The following RP1L1 variants were observed in gnomAD, a reference collection of about 807,000 sequenced individuals.
The protein encoded by RP1L1 is retinitis pigmentosa 1-like 1 protein.
Under a neutral mutation model 15.7 loss-of-function variants are expected in RP1L1, and 27 were observed. That is an observed-to-expected ratio of 1.72 (90% CI 1.27 to 2.38). The LOEUF is 2.38. RP1L1 is among the 30% of genes most tolerant of loss of function. RP1L1 has a pLI of 0.00. For synonymous variants in RP1L1, 1,813 were observed against 1,276.7 expected (o/e 1.42, Z -8.96); for missense variants, 4,798 against 3,075.9 (o/e 1.56, Z -13.24).
At chr8:10,616,821 C>A (rs192395994) in intron 2 of RP1L1, among the ~76,000 whole-genome samples, 2 of 152,318 alleles carry the variant, frequency 1.3e-5, no homozygotes, top group South Asian at 2.1e-4. Flanking sequence ...CCTCCCTCCA[C>A]CAGGCGTGAG....
At chr8:10,624,179 C>A (rs766250611) in intron 1 of RP1L1, among the ~76,000 whole-genome samples, 1 of 152,228 alleles carries the variant, frequency 6.6e-6, no homozygotes, top group Non-Finnish European at 1.5e-5. Flanking sequence ...TCCACACATT[C>A]TGTCACTCAT....
chr8:10,642,389 G>A (rs1000812968), intron 1 of RP1L1, among the ~76,000 whole-genome samples: 13 of 152,156 alleles, frequency 8.5e-5, no homozygotes, highest in Non-Finnish European at 1.9e-4. Context: ...AGAGCTTCTA[G>A]GAAACCTCTT....
chr8:10,635,718 G>A (rs931567103), intron 1 of RP1L1, among the ~76,000 whole-genome samples: 16 of 152,232 alleles, frequency 1.1e-4, no homozygotes, highest in African/African-American at 3.6e-4. Flanking sequence ...TAAGAGCAGC[G>A]AGTGCTTGTG....
intron 2 of RP1L1, among the ~76,000 whole-genome samples, chr8:10,622,147 C>A (rs1353983391): frequency 6.6e-6 from 1 of 151,840 alleles, no homozygotes; most frequent in African/African-American, 2.4e-5. Flanking sequence ...CATGGAGAAA[C>A]CCTGTCTCTA....
chr8:10,652,331 A>G (rs1195891173), intron 1 of RP1L1, among the ~76,000 whole-genome samples: 1 of 151,520 alleles, frequency 6.6e-6, no homozygotes, highest in Non-Finnish European at 1.5e-5. Context: ...AGCTAACAGT[A>G]AGGCTGACAA....
chr8:10,606,644 G>A lies in RP1L1; in HGVS notation c.*251C>T, dbSNP rs138768427. ...ATAAATAGGAGCCGGGCTGACCTCC[G>A]ATAACCGGGCAGATCCGCAGACACC... On this transcript the variant is annotated 3_prime_UTR_variant, in exon 4 of 4. Transcript: ENST00000382483. 325 of 571,432 alleles carry A rather than the reference G, an allele frequency of 5.7e-4. No individual in the cohort carries two copies. The highest frequency in any genetic ancestry group is 7.2e-4 in the Non-Finnish European group (239 of 331,946). The allele number at this position is 571,432 out of a possible 1,614,324, so 35.4% of individuals were successfully genotyped here.
rs774575213 is a variant in RP1L1, at chr8:10,610,063, T to C, written c.4035A>G (p.Glu1345=). Residue 1345 remains glutamate, a synonymous_variant, in exon 4 of 4, where the codon GAA becomes GAG. Coordinates refer to ENST00000382483, the MANE Select transcript of RP1L1 (RefSeq NM_178857.6). Reference sequence around the variant, plus strand: ...CCTCTTCTTCTTGCTGTCCTTCTCCTTCTGTTTCTTTAGTTTCCTCTAACT... The same window carrying C: ...CCTCTTCTTCTTGCTGTCCTTCTCCCTCTGTTTCTTTAGTTTCCTCTAACT... The part of the protein sequence containing the change: ...GVQLEETKET[E]GEGQQEEEAQ... 2.7e-6 allele frequency: 4 copies of C among 1,470,792 alleles called. No homozygotes were observed. Among genetic ancestry groups the C allele is most frequent in the African/African-American group, 2.8e-5 (2 of 71,204 alleles). The allele number at this position is 1,470,792 out of a possible 1,614,324, so 91.1% of individuals were successfully genotyped here. A position where few individuals can be genotyped will look rare whatever the true frequency, so the allele number is the denominator to read the frequency against.
intron 1 of RP1L1, among the ~76,000 whole-genome samples, chr8:10,626,179 G>A (rs1798154548): frequency 6.6e-6 from 1 of 152,114 alleles, no homozygotes; most frequent in Admixed American, 6.5e-5. Context: ...AGGCTGGGTA[G>A]GGGGCTGGCA....
chr8:10,622,525 C>T, intron 2 of RP1L1, 68 bp downstream of exon 2: 3 of 1,602,330 alleles, frequency 1.9e-6, no homozygotes, highest in East Asian at 2.2e-5. Flanking sequence ...TCTCTCTCTT[C>T]CATGTGAGTA....
rs148066510 is a variant in RP1L1, at chr8:10,622,093, G to A, written c.609+500C>T. On this transcript the variant is annotated intron_variant, in intron 2 of 3. Transcript: ENST00000382483. ...TCCCAGCACTTTGGGAGGCCGAATC[G>A]GGCAGATCACCTGAGGTTGGGAGTT... is the stretch of plus-strand genomic sequence containing the variant. Among the ~76,000 whole-genome samples, 329 of 152,160 alleles carry A rather than the reference G, an allele frequency of 2.2e-3. 2 individuals are homozygous for A. The highest frequency in any genetic ancestry group is 7.7e-3 in the African/African-American group (318 of 41,500).
chr8:10,622,484 G>C (rs528187648), intron 2 of RP1L1, 109 bp downstream of exon 2: 109 of 1,397,132 alleles, frequency 7.8e-5, no homozygotes, highest in African/African-American at 4.4e-4. Context: ...ATTAGCAGCA[G>C]GGCAATCAAA....
At chr8:10,631,030 G>A (rs566052834) in intron 1 of RP1L1, among the ~76,000 whole-genome samples, 10 of 152,294 alleles carry the variant, frequency 6.6e-5, no homozygotes, top group African/African-American at 2.4e-4. Context: ...AGGGGGAATG[G>A]CTTTGCCGGG....
At chr8:10,621,743 C>A (rs775021347) in intron 2 of RP1L1, 4 of 509,292 alleles carry the variant, frequency 7.9e-6, no homozygotes, top group African/African-American at 7.7e-5. Flanking sequence ...ATTCTGCCGA[C>A]CTTTGGTGGA....
intron 1 of RP1L1, among the ~76,000 whole-genome samples, chr8:10,640,913 G>C (rs1379599056): frequency 6.6e-6 from 1 of 151,958 alleles, no homozygotes; most frequent in Non-Finnish European, 1.5e-5. Context: ...TGGGACTATA[G>C]GTGCACGCCA....
In RP1L1 at chr8:10,611,291, C is replaced by G. The variant is rs377549388; in HGVS notation, c.2807G>C (p.Gly936Ala). 2 of 1,613,014 alleles carry G rather than the reference C, an allele frequency of 1.2e-6. No individual in the cohort carries two copies. Among genetic ancestry groups the G allele is most frequent in the Middle Eastern group, 1.6e-4 (1 of 6,062 alleles). The part of the protein sequence containing the change: ...KTLRSGGGPQ[G>A]QEEASGVSPS... Reference sequence around the variant, plus strand: ...TGACACACCACTGGCCTCCTCCTGCCCCTGGGGGCCTCCCCCACTCCTCAA... The same window carrying G: ...TGACACACCACTGGCCTCCTCCTGCGCCTGGGGGCCTCCCCCACTCCTCAA... Residue 936 changes from glycine to alanine, a missense_variant, in exon 4 of 4, where the codon GGG (glycine) becomes GCG (alanine). Gly to Ala is a moderately conservative substitution (Grantham distance 60, BLOSUM62 0). Transcript: ENST00000382483.
Position 10,609,069 on chromosome 8 carries a change from C to T in RP1L1, c.5029G>A (p.Gly1677Arg), listed in dbSNP as rs1317480216. Residue 1677 changes from glycine to arginine, a missense_variant, in exon 4 of 4, where the codon GGG becomes AGG. Coordinates refer to ENST00000382483, the MANE Select transcript of RP1L1 (RefSeq NM_178857.6). ...TCTTTGATGGGACCTCTGGTTGCCCCCATTGTGGCCTTGGGGGACATAGGG... is the reference window on the plus strand; with the variant it reads ...TCTTTGATGGGACCTCTGGTTGCCCTCATTGTGGCCTTGGGGGACATAGGG... ...VSPMSPKATM[G>R]ATRGPIKEAF... The T allele has an allele frequency of 6.2e-7, 1 of 1,613,660 alleles. No homozygotes were observed. Among genetic ancestry groups the T allele is most frequent in the East Asian group, 2.2e-5 (1 of 44,864 alleles).
At chr8:10,643,703 A>G (rs1286921558) in intron 1 of RP1L1, among the ~76,000 whole-genome samples, 1 of 152,044 alleles carries the variant, frequency 6.6e-6, no homozygotes, top group Non-Finnish European at 1.5e-5. Context: ...GCACCAGGAA[A>G]GAGAAGATCC....
At chr8:10,642,014 T>C (rs547235250) in intron 1 of RP1L1, among the ~76,000 whole-genome samples, 1 of 152,194 alleles carries the variant, frequency 6.6e-6, no homozygotes, top group South Asian at 2.1e-4. Flanking sequence ...CCCTGTCTCT[T>C]GACCGGATCA....
In RP1L1 at chr8:10,613,349, G is replaced by C; in HGVS notation, c.752-3C>G. On this transcript the variant is annotated splice_region_variant and splice_polypyrimidine_tract_variant and intron_variant, in intron 3 of 3. Transcript: ENST00000382483. ...CTTGGTCTTTGGCCCCCAGCTCCCT[G>C]GCACGCAGTGAAGAGGAAAAGAAAA... 6.3e-7 allele frequency: 1 copy of C among 1,599,648 alleles called. No homozygotes were observed. Among genetic ancestry groups the C allele is most frequent in the Non-Finnish European group, 8.5e-7 (1 of 1,179,932 alleles).
Sources: gnomAD v4.1 joint callset for allele counts (sites outside exome capture counted in the v4.1 genomes callset) on GRCh38, gnomAD v4.1.1 for gene constraint, MANE v1.5 for transcripts, NCBI Gene and HGNC (gene_info 2026-07-23, HGNC 2026-07-21) for gene names.